Variants in NRP1 observed in about 807,000 individuals in gnomAD.
The protein encoded by NRP1 is neuropilin-1.
A neutral mutation model predicts 106.7 loss-of-function variants in NRP1; 35 were observed. The ratio of observed to expected loss-of-function variants is 0.33; its 90% CI spans 0.25 to 0.43. The LOEUF (loss-of-function observed/expected upper bound fraction) is 0.43, where lower values mean the gene tolerates loss of function less well. Ranked by LOEUF, NRP1 falls within the 20% of genes least tolerant of loss-of-function variation. The pLI, the probability that NRP1 is intolerant of heterozygous loss-of-function variation, is 1.00. For synonymous variants in NRP1, 437 were observed against 417.9 expected (o/e 1.05, Z -0.56); for missense variants, 1,024 against 1,170.4 (o/e 0.87, Z 1.83).
chr10:33,239,903 C>T (rs1165776301), intron 6 of NRP1, among the ~76,000 whole-genome samples: 1 of 152,188 alleles, frequency 6.6e-6, no homozygotes, highest in African/African-American at 2.4e-5. Flanking sequence ...CCATACCCTT[C>T]CTGTATTTTT....
chr10:33,185,390 G>A (rs1419867096), intron 15 of NRP1, among the ~76,000 whole-genome samples: 3 of 152,164 alleles, frequency 2.0e-5, no homozygotes, highest in East Asian at 1.9e-4. Context: ...TGCATTATTT[G>A]TGGAGTTTTA....
chr10:33,199,899 C>T (rs1717582888), intron 11 of NRP1, among the ~76,000 whole-genome samples: 1 of 152,144 alleles, frequency 6.6e-6, no homozygotes, highest in African/African-American at 2.4e-5. Context: ...ATATCCATAG[C>T]ATGAATCAGA....
At chr10:33,231,976 G>T (rs778274210) in intron 6 of NRP1, among the ~76,000 whole-genome samples, 1 of 152,066 alleles carries the variant, frequency 6.6e-6, no homozygotes, top group African/African-American at 2.4e-5. Context: ...CAAAAAAAAT[G>T]TATTGCTCTC....
chr10:33,312,292 T>G (rs2132799176), intron 2 of NRP1, among the ~76,000 whole-genome samples: 1 of 152,356 alleles, frequency 6.6e-6, no homozygotes, highest in Non-Finnish European at 1.5e-5. Context: ...TAAGGACACA[T>G]TCAGAAAGAA....
At chr10:33,213,769 A>G (rs779187615) in intron 8 of NRP1, 52 bp from the exon 9 acceptor site, 4 of 1,330,080 alleles carry the variant, frequency 3.0e-6, no homozygotes, top group East Asian at 4.6e-5. Context: ...GGGCGACTCC[A>G]TGCTAAGAAA....
chr10:33,271,181 G>A (rs957409796), intron 2 of NRP1, among the ~76,000 whole-genome samples: 3 of 152,162 alleles, frequency 2.0e-5, no homozygotes, highest in African/African-American at 7.2e-5. Context: ...TTATTAAATT[G>A]TGTTCCTTTG....
chr10:33,328,749 T>C (rs553467603), intron 2 of NRP1, among the ~76,000 whole-genome samples: 3 of 152,252 alleles, frequency 2.0e-5, no homozygotes, highest in African/African-American at 7.2e-5. Flanking sequence ...ACCACAGAAA[T>C]TGGCATGTGC....
At chr10:33,258,020 G>A (rs1588863870) in intron 4 of NRP1, among the ~76,000 whole-genome samples, 2 of 152,326 alleles carry the variant, frequency 1.3e-5, no homozygotes, top group South Asian at 2.1e-4. Flanking sequence ...TAACAGGGAC[G>A]TGGTGTTTCA....
At chr10:33,217,277 A>C in intron 8 of NRP1, among the ~76,000 whole-genome samples, 1 of 152,128 alleles carries the variant, frequency 6.6e-6, no homozygotes, top group Non-Finnish European at 1.5e-5. Flanking sequence ...GCTGGGGCAC[A>C]GTTTCTGTAT....
intron 8 of NRP1, among the ~76,000 whole-genome samples, chr10:33,215,211 G>A (rs971563744): frequency 3.3e-5 from 5 of 152,062 alleles, no homozygotes; most frequent in African/African-American, 7.2e-5. Flanking sequence ...CAGTCTAGAC[G>A]TCATCCTCAT....
At chr10:33,215,464 T>C in intron 8 of NRP1, among the ~76,000 whole-genome samples, 1 of 152,184 alleles carries the variant, frequency 6.6e-6, no homozygotes, top group Non-Finnish European at 1.5e-5. Flanking sequence ...CCAAGGAGCT[T>C]CTGAGCACAA....
At chr10:33,195,535 T>G (rs991811113) in intron 12 of NRP1, 10 of 533,396 alleles carry the variant, frequency 1.9e-5, no homozygotes, top group Admixed American at 1.7e-4. Flanking sequence ...TTTTGAGGTC[T>G]CATTGACTGC....
chr10:33,252,482 G>T (rs538542612), intron 6 of NRP1, among the ~76,000 whole-genome samples: 1 of 152,228 alleles, frequency 6.6e-6, no homozygotes, highest in African/African-American at 2.4e-5. Context: ...ACTGCCGTGG[G>T]GTCGAAGCCC....
At chr10:33,301,457 G>A (rs1009185884) in intron 2 of NRP1, among the ~76,000 whole-genome samples, 1 of 152,212 alleles carries the variant, frequency 6.6e-6, no homozygotes, top group African/African-American at 2.4e-5. Flanking sequence ...GGAGGCTGAT[G>A]CAGAATTCTG....
At chr10:33,319,016 T>TC (rs1463486048) in intron 2 of NRP1, among the ~76,000 whole-genome samples, 1 of 142,440 alleles carries the variant, frequency 7.0e-6, no homozygotes, top group East Asian at 2.1e-4. Context: ...TTTTTTTTTT[T>TC]TTTTTTGAGA....
At chr10:33,284,717 C>A (rs1336199092) in intron 2 of NRP1, among the ~76,000 whole-genome samples, 1 of 152,060 alleles carries the variant, frequency 6.6e-6, no homozygotes, top group East Asian at 1.9e-4. Context: ...GGAAATGCTG[C>A]AAATAATGTT....
At chr10:33,319,507 C>T (rs1218965124) in intron 2 of NRP1, among the ~76,000 whole-genome samples, 1 of 151,842 alleles carries the variant, frequency 6.6e-6, no homozygotes, top group Non-Finnish European at 1.5e-5. Context: ...AAGCTTTGTT[C>T]TTTCCCTCCT....
In NRP1 at chr10:33,186,626, G is replaced by T. The variant is rs74374574; in HGVS notation, c.2063-138C>A. The T allele has an allele frequency of 1.8e-4, 187 of 1,014,436 alleles. 1 individual carries two copies. In the African/African-American group the frequency reaches 2.4e-3, roughly 13 times the overall value. The allele number at this position is 1,014,436 out of a possible 1,614,324, so 62.8% of individuals were successfully genotyped here. A position where few individuals can be genotyped will look rare whatever the true frequency, so the allele number is the denominator to read the frequency against. On this transcript the variant is annotated intron_variant, in intron 13 of 16. Coordinates refer to ENST00000374867, the MANE Select transcript of NRP1 (RefSeq NM_003873.7). ...AAATACGTAGTGGAAAGGGATAAGT[G>T]TGCACACTTGGGGACCTCATGGGCA...
chr10:33,202,544 C>A (rs376336057), intron 11 of NRP1: 4 of 1,319,952 alleles, frequency 3.0e-6, no homozygotes, highest in African/African-American at 1.6e-5. Flanking sequence ...TGTGTGGTTA[C>A]GTAGGGGTGG....
Sources: allele counts gnomAD v4.1 joint callset (sites outside exome capture counted in the v4.1 genomes callset), GRCh38; gene constraint gnomAD v4.1.1; transcripts MANE v1.5; gene names NCBI Gene and HGNC (gene_info 2026-07-23, HGNC 2026-07-21).